The following MGAT4C variants were observed in gnomAD, a reference collection of about 807,000 sequenced individuals.
MGAT4C encodes the protein MGAT4 family member C, also known as alpha-1,3-mannosyl-glycoprotein 4-beta-N-acetylglucosaminyltransferase C.
In MGAT4C, 19 loss-of-function variants were observed where a neutral mutation model predicts 40.1. That is an observed-to-expected ratio of 0.47 (90% CI 0.33 to 0.70). MGAT4C has a LOEUF of 0.70. Ranked by LOEUF, MGAT4C falls within the 30% of genes least tolerant of loss-of-function variation. The probability of loss-of-function intolerance (pLI) is 0.02; values close to 1 mark genes in which losing one functional copy is unlikely to be tolerated. For synonymous variants in MGAT4C, 181 were observed against 187.1 expected (o/e 0.97, Z 0.27); for missense variants, 491 against 563.2 (o/e 0.87, Z 1.30).
intron 1 of MGAT4C, among the ~76,000 whole-genome samples, chr12:86,089,923 C>G (rs1402307378): frequency 6.6e-6 from 1 of 151,690 alleles, no homozygotes; most frequent in Non-Finnish European, 1.5e-5. Context: ...TTAAAATGCA[C>G]TATAAACATA....
At chr12:86,709,459 T>C (rs1950519878) in intron 2 of MGAT4C, among the ~76,000 whole-genome samples, 1 of 152,232 alleles carries the variant, frequency 6.6e-6, no homozygotes, top group South Asian at 2.1e-4. Flanking sequence ...AGGTCACTTT[T>C]GTACTTAGAC....
rs367989434 is a variant in MGAT4C, at chr12:86,324,769, C to T, written c.-57+9296G>A. 1.6e-4 allele frequency among the ~76,000 whole-genome samples: 24 copies of T among 151,866 alleles called. No homozygotes were observed. The East Asian group carries it at 2.3e-3, about 15-fold the overall frequency. On this transcript the variant is annotated intron_variant, in intron 4 of 7. Transcript: ENST00000548651. ...TATTTCTTTTCCAGAAACATTTGCT[C>T]TCTGCCCCAGATTTATGTTGGAATG...
At chr12:86,239,882 C>T (rs1160984408) in intron 1 of MGAT4C, among the ~76,000 whole-genome samples, 1 of 55,048 alleles carries the variant, frequency 1.8e-5, no homozygotes, top group African/African-American at 8.0e-5. Flanking sequence ...GTGGTGGGGT[C>T]GGGGGAGGGG....
intron 2 of MGAT4C, among the ~76,000 whole-genome samples, chr12:86,518,208 A>C (rs1007703915): frequency 2.1e-4 from 32 of 152,202 alleles, no homozygotes; most frequent in African/African-American, 6.3e-4. Flanking sequence ...ACAACAACAA[A>C]AAAATGAATA....
intron 2 of MGAT4C, among the ~76,000 whole-genome samples, chr12:86,676,899 AG>A (rs1374459755): frequency 1.3e-5 from 2 of 152,176 alleles, no homozygotes; most frequent in Non-Finnish European, 2.9e-5. Flanking sequence ...CAGAACTCTC[AG>A]AAACATAAAT....
At chr12:86,214,953 G>A (rs1593256096) in intron 1 of MGAT4C, among the ~76,000 whole-genome samples, 1 of 152,022 alleles carries the variant, frequency 6.6e-6, no homozygotes, top group Admixed American at 6.6e-5. Flanking sequence ...TCAGTTTCTT[G>A]TAGATTCAAT....
intron 2 of MGAT4C, among the ~76,000 whole-genome samples, chr12:86,570,472 C>A (rs746529421): frequency 4.6e-5 from 7 of 152,016 alleles, no homozygotes; most frequent in Non-Finnish European, 8.8e-5. Flanking sequence ...CGACTCCTCA[C>A]CTTGTACAAA....
intron 3 of MGAT4C, among the ~76,000 whole-genome samples, chr12:86,426,740 G>T (rs1032219543): frequency 1.3e-5 from 2 of 152,174 alleles, no homozygotes; most frequent in African/African-American, 2.4e-5. Flanking sequence ...GAGGTCAGGA[G>T]ATCGAGACCA....
intron 3 of MGAT4C, among the ~76,000 whole-genome samples, chr12:86,394,418 ATAT>A (rs988737289): frequency 1.3e-5 from 2 of 150,066 alleles, no homozygotes; most frequent in African/African-American, 2.4e-5. Flanking sequence ...AGTCCACTGA[ATAT>A]TATCATTGCT....
chr12:86,659,017 T>A (rs1271952844), intron 2 of MGAT4C, among the ~76,000 whole-genome samples: 1 of 152,136 alleles, frequency 6.6e-6, no homozygotes, highest in African/African-American at 2.4e-5. Context: ...ATGATTAATG[T>A]GTAATATTAG....
chr12:86,455,141 G>A (rs1173917801), intron 2 of MGAT4C, among the ~76,000 whole-genome samples: 1 of 152,028 alleles, frequency 6.6e-6, no homozygotes, highest in Non-Finnish European at 1.5e-5. Context: ...AAAAAATGTG[G>A]GTAGTGGTGT....
rs3047014 is a variant in MGAT4C, at chr12:86,250,330, T to TGAGA, written c.-57+5905_-57+5908dup. 8.5e-3 allele frequency among the ~76,000 whole-genome samples: 1,220 copies of TGAGA among 142,848 alleles called. 10 individuals are homozygous for TGAGA. The highest frequency in any genetic ancestry group is 0.013 in the Admixed American group (182 of 14,272). 93.7% of individuals were successfully genotyped at this position (142,848 alleles called of 152,430 possible). On this transcript the variant is annotated intron_variant, in intron 1 of 4. Coordinates refer to ENST00000611864, the MANE Select transcript of MGAT4C (RefSeq NM_001351288.2). ...ACAAGCAACCTACACACACACACACTGAGAGAGAGAGAGAGAGAGAGAGAG... is the reference window on the plus strand; with the variant it reads ...ACAAGCAACCTACACACACACACACTGAGAGAGAGAGAGAGAGAGAGAGAGAGAG...
intron 1 of MGAT4C, among the ~76,000 whole-genome samples, chr12:86,248,418 A>G (rs1309338785): frequency 6.6e-6 from 1 of 151,634 alleles, no homozygotes; most frequent in Non-Finnish European, 1.5e-5. Flanking sequence ...CTTTCCCCCA[A>G]ATATTTACCT....
chr12:86,665,247 G>A (rs1462026091), intron 2 of MGAT4C, among the ~76,000 whole-genome samples: 4 of 152,054 alleles, frequency 2.6e-5, no homozygotes, highest in Non-Finnish European at 4.4e-5. Context: ...CAAGTGAGGT[G>A]GAAAACATTA....
At chr12:86,700,150 CAGACAGACAGACAG>C (rs1950335045) in intron 2 of MGAT4C, among the ~76,000 whole-genome samples, 1 of 17,862 alleles carries the variant, frequency 5.6e-5, no homozygotes. Context: ...GACAGACAGA[CAGACAGACAGACAG>C]ACAGACAGAC....
chr12:86,154,609 G>C (rs957419787), intron 1 of MGAT4C, among the ~76,000 whole-genome samples: 5 of 152,140 alleles, frequency 3.3e-5, no homozygotes, highest in African/African-American at 1.2e-4. Context: ...TGTGCACAGT[G>C]AATCTGCCCA....
chr12:86,459,212 G>A (rs180996694), intron 2 of MGAT4C, among the ~76,000 whole-genome samples: 1 of 152,172 alleles, frequency 6.6e-6, no homozygotes, highest in East Asian at 1.9e-4. Context: ...AGCATAACAT[G>A]TTTCTAAAAT....
At position 85,958,891 on chromosome 12, in the gene MGAT4C, A is replaced by C. The variant is rs1882961865; in HGVS notation, c.*20398T>G. The C allele has an allele frequency of 6.6e-6, 1 of 152,090 alleles. No individual in the cohort carries two copies. Among genetic ancestry groups the C allele is most frequent in the African/African-American group, 2.4e-5 (1 of 41,444 alleles). The allele number at this position is 152,090 out of a possible 1,614,324, so 9.4% of individuals were successfully genotyped here. ...ATGATCAAATAGATTAAGTTGTATA[A>C]AATTTTACAAACTTTATATTTTTGC... On this transcript the variant is annotated 3_prime_UTR_variant, in exon 5 of 5. Transcript: ENST00000611864.
At chr12:86,562,902 A>G (rs2136411221) in intron 2 of MGAT4C, among the ~76,000 whole-genome samples, 1 of 152,286 alleles carries the variant, frequency 6.6e-6, no homozygotes, top group African/African-American at 2.4e-5. Context: ...GAGTTTAAAA[A>G]GGTCCTAATA....
Sources: gnomAD v4.1 joint callset for allele counts (sites outside exome capture counted in the v4.1 genomes callset) on GRCh38, gnomAD v4.1.1 for gene constraint, MANE v1.5 for transcripts, NCBI Gene and HGNC (gene_info 2026-07-23, HGNC 2026-07-21) for gene names.